The following SMIM10L2A variants were observed in gnomAD, a reference collection of about 807,000 sequenced individuals.
SMIM10L2A encodes small integral membrane protein 10-like protein 2A.
SMIM10L2A carries 2 observed loss-of-function variants against 3.0 expected under a neutral mutation model. The observed-to-expected ratio is 0.66, with a 90% CI of 0.27 to 2.08. The LOEUF (loss-of-function observed/expected upper bound fraction) is 2.08, where lower values mean the gene tolerates loss of function less well. Among genes scored for constraint, SMIM10L2A ranks in the 30% most tolerant of loss-of-function variants. The probability of loss-of-function intolerance (pLI) is 0.14; values close to 1 mark genes in which losing one functional copy is unlikely to be tolerated. For synonymous variants in SMIM10L2A, 29 were observed against 34.8 expected (o/e 0.83, Z 0.58); for missense variants, 59 against 66.5 (o/e 0.89, Z 0.39).
At chrX:135,423,443 C>T (rs2085139869) in intron 1 of SMIM10L2A, among the ~76,000 whole-genome samples, 190 bp from the exon 2 acceptor site, 1 of 113,176 alleles carries the variant, frequency 8.8e-6, no homozygotes, top group Non-Finnish European at 1.9e-5. Context: ...CCCCAGACGG[C>T]CTCTAGAAGC....
chrX:135,422,276 G>A lies in SMIM10L2A; in HGVS notation c.145G>A (p.Asp49Asn). 9.2e-7 allele frequency: 1 copy of A among 1,081,699 alleles called. No homozygotes were observed. Among genetic ancestry groups the A allele is most frequent in the Non-Finnish European group, 1.2e-6 (1 of 821,483 alleles). The allele number at this position is 1,081,699 out of a possible 1,213,427, so 89.1% of individuals were successfully genotyped here. ...CACGCGCACGCTGCTCACCTTCTTC[G>A]ACCTGGCCTGGCGGCTGCGCATGAA... ...GLTRTLLTFF[D>N]LAWRLRMNFP... The change falls in exon 1 of 2, where the codon GAC becomes AAC. Residue 49 changes from aspartate to asparagine, a missense_variant. Coordinates refer to ENST00000417443, the MANE Select transcript of SMIM10L2A (RefSeq NM_203306.3).
chrX:135,422,471 G>A lies in SMIM10L2A; in HGVS notation c.*103G>A. On this transcript the variant is annotated 3_prime_UTR_variant, in exon 1 of 2. Transcript: ENST00000417443. ...ATGAAGGAAAGCTGGGCCGCGGCGG[G>A]GGGCGGAGGCGGGGCGGCTCGGACC... 2 of 268,077 alleles carry A rather than the reference G, an allele frequency of 7.5e-6. No individual in the cohort carries two copies. The highest frequency in any genetic ancestry group is 1.3e-5 in the Non-Finnish European group (2 of 153,726). 22.1% of individuals were successfully genotyped at this position (268,077 alleles called of 1,213,427 possible).
At position 135,423,877 on chromosome X, in the gene SMIM10L2A, T is replaced by C. The variant is rs1466526879; in HGVS notation, c.*607T>C. ...GGTCTGAGTTCCCTGGGAACTGAAA[T>C]CTGCTAGCAGCACTGTGAGAGAGGT... On this transcript the variant is annotated 3_prime_UTR_variant, in exon 2 of 2. Transcript: ENST00000417443. 2 of 112,752 alleles carry C rather than the reference T, an allele frequency of 1.8e-5. No homozygotes were observed. The highest frequency in any genetic ancestry group is 3.8e-5 in the Non-Finnish European group (2 of 53,248). 9.3% of individuals were successfully genotyped at this position (112,752 alleles called of 1,213,427 possible).
chrX:135,422,298 T>G lies in SMIM10L2A; in HGVS notation c.167T>G (p.Met56Arg), dbSNP rs2085134211. Residue 56 changes from methionine (M) to arginine (R), a missense_variant, in exon 1 of 2, where the codon ATG (methionine) becomes AGG (arginine). Met to Arg is a moderately conservative substitution (Grantham distance 91, BLOSUM62 -1). Transcript: ENST00000417443. The stretch of plus-strand genomic sequence containing the variant: ...TTCGACCTGGCCTGGCGGCTGCGCA[T>G]GAACTTCCCCTACTTCTACATCGTG... Reference protein sequence around the residue: ...TFFDLAWRLRMNFPYFYIVAS... With the variant: ...TFFDLAWRLRRNFPYFYIVAS... 9.8e-7 allele frequency: 1 copy of G among 1,024,609 alleles called. No individual in the cohort carries two copies. Among genetic ancestry groups the G allele is most frequent in the South Asian group, 2.4e-5 (1 of 41,461 alleles). The allele number at this position is 1,024,609 out of a possible 1,213,427, so 84.4% of individuals were successfully genotyped here.
Position 135,422,715 on chromosome X carries a change from G to C in SMIM10L2A, c.*347G>C, listed in dbSNP as rs1348746741. The C allele has an allele frequency of 4.8e-5, 6 of 125,015 alleles. No homozygotes were observed. Among genetic ancestry groups the C allele is most frequent in the East Asian group, 2.3e-4 (1 of 4,315 alleles). The allele number at this position is 125,015 out of a possible 1,213,427, so 10.3% of individuals were successfully genotyped here. ...TCTGCTGCGGCGACTTGACTTTCCA[G>C]GCCCGGAGCAGAAAGGTAGGAGGCG... On this transcript the variant is annotated 3_prime_UTR_variant, in exon 1 of 2. Transcript: ENST00000417443.
In SMIM10L2A at chrX:135,422,149, TCTGTCTGCAGCGGCGGCTGCGGCGGCC is replaced by T; in HGVS notation, c.26_52del (p.Ala9_Ser17del). 2.8e-5 allele frequency: 18 copies of T among 643,481 alleles called. No homozygotes were observed. The highest frequency in any genetic ancestry group is 3.6e-5 in the Non-Finnish European group (17 of 467,586). 53.0% of individuals were successfully genotyped at this position (643,481 alleles called of 1,213,427 possible). ...CCGGGCCCATGGCGGCGTCGGCGGC[TCTGTCTGCAGCGGCGGCTGCGGCGGCC>T]CTGTCTGGCCTGGCGGTGCGGCTGT... On this transcript the variant is annotated inframe_deletion, in exon 1 of 2. Coordinates refer to ENST00000417443, the MANE Select transcript of SMIM10L2A (RefSeq NM_203306.3).
At chrX:135,423,068 C>T (rs186152140) in intron 1 of SMIM10L2A, among the ~76,000 whole-genome samples, 1 of 112,381 alleles carries the variant, frequency 8.9e-6, no homozygotes, top group East Asian at 2.8e-4. Context: ...GATGCCCCCA[C>T]CCTTCTCTTC....
Position 135,422,654 on chromosome X carries a change from T to C in SMIM10L2A, c.*286T>C, listed in dbSNP as rs1556470479. 6.1e-6 allele frequency: 1 copy of C among 163,104 alleles called. No individual in the cohort carries two copies. Among genetic ancestry groups the C allele is most frequent in the Non-Finnish European group, 1.2e-5 (1 of 85,591 alleles). 13.4% of individuals were successfully genotyped at this position (163,104 alleles called of 1,213,427 possible). ...TGGGCTCGGCCGACCTGTTGCCTCATATTGGCCAAAGAGGGGGAAACCAGA... is the reference window on the plus strand; with the variant it reads ...TGGGCTCGGCCGACCTGTTGCCTCACATTGGCCAAAGAGGGGGAAACCAGA... On this transcript the variant is annotated 3_prime_UTR_variant, in exon 1 of 2. Transcript: ENST00000417443.
In SMIM10L2A at chrX:135,424,764, G is replaced by A. The variant is rs1231407923; in HGVS notation, c.*1494G>A. 8.9e-6 allele frequency: 1 copy of A among 112,149 alleles called. No individual in the cohort carries two copies. The highest frequency in any genetic ancestry group is 9.3e-5 in the Admixed American group (1 of 10,721). The allele number at this position is 112,149 out of a possible 1,213,427, so 9.2% of individuals were successfully genotyped here. On this transcript the variant is annotated 3_prime_UTR_variant, in exon 2 of 2. Transcript: ENST00000417443. The stretch of plus-strand genomic sequence containing the variant: ...CCTCCTCAGCTGCCCACTGGACTCA[G>A]GTCCTGAATGAAGCTGTCCGCCTGC...
intron 1 of SMIM10L2A, among the ~76,000 whole-genome samples, chrX:135,423,054 C>A (rs1373700020): frequency 8.9e-6 from 1 of 112,136 alleles, no homozygotes; most frequent in Non-Finnish European, 1.9e-5. Flanking sequence ...CCTAGAGGAG[C>A]AACGATGCCC....
At position 135,422,441 on chromosome X, in the gene SMIM10L2A, C is replaced by A. The variant is rs2085135051; in HGVS notation, c.*73C>A. 1 of 306,973 alleles carries A rather than the reference C, an allele frequency of 3.3e-6. No individual in the cohort carries two copies. Among genetic ancestry groups the A allele is most frequent in the Non-Finnish European group, 5.4e-6 (1 of 185,196 alleles). The allele number at this position is 306,973 out of a possible 1,213,427, so 25.3% of individuals were successfully genotyped here. A position where few individuals can be genotyped will look rare whatever the true frequency, so the allele number is the denominator to read the frequency against. On this transcript the variant is annotated 3_prime_UTR_variant, in exon 1 of 2. Transcript: ENST00000417443. ...TCCCCGCCCGCCCCCGGCCGGGTCG[C>A]CGGCATGAAGGAAAGCTGGGCCGCG...
In SMIM10L2A at chrX:135,422,020, G is replaced by T; in HGVS notation, c.-112G>T. On this transcript the variant is annotated 5_prime_UTR_variant, in exon 1 of 2. Coordinates refer to ENST00000417443, the MANE Select transcript of SMIM10L2A (RefSeq NM_203306.3). ...GGCCTTGGGAACACGGGGGCGGGGC[G>T]GCCGCGGCTCTGGGCGACCCGCTGG... is the stretch of plus-strand genomic sequence containing the variant. 2 of 258,136 alleles carry T rather than the reference G, an allele frequency of 7.7e-6. No homozygotes were observed. Among genetic ancestry groups the T allele is most frequent in the East Asian group, 5.9e-5 (1 of 16,817 alleles). The allele number at this position is 258,136 out of a possible 1,213,427, so 21.3% of individuals were successfully genotyped here. A position where few individuals can be genotyped will look rare whatever the true frequency, so the allele number is the denominator to read the frequency against.
chrX:135,422,999 C>T (rs62599953), intron 1 of SMIM10L2A, among the ~76,000 whole-genome samples: 1 of 109,941 alleles, frequency 9.1e-6, no homozygotes, highest in Admixed American at 9.4e-5. Flanking sequence ...GTCCCCTGAA[C>T]CCTGAGGAAT....
Position 135,422,388 on chromosome X carries a change from C to G in SMIM10L2A, c.*20C>G. On this transcript the variant is annotated 3_prime_UTR_variant, in exon 1 of 2. Coordinates refer to ENST00000417443, the MANE Select transcript of SMIM10L2A (RefSeq NM_203306.3). The stretch of plus-strand genomic sequence containing the variant: ...GAGTGAGCGCCGGCGGCGGCGGCGG[C>G]GAAGGCCCGGCTGAAGGGGCGCCCG... 1 of 537,315 alleles carries G rather than the reference C, an allele frequency of 1.9e-6. No individual in the cohort carries two copies. Among genetic ancestry groups the G allele is most frequent in the Non-Finnish European group, 2.7e-6 (1 of 375,842 alleles). The allele number at this position is 537,315 out of a possible 1,213,427, so 44.3% of individuals were successfully genotyped here. A position where few individuals can be genotyped will look rare whatever the true frequency, so the allele number is the denominator to read the frequency against.
intron 1 of SMIM10L2A, among the ~76,000 whole-genome samples, chrX:135,423,275 G>A (rs1231249314): frequency 8.9e-6 from 1 of 112,235 alleles, no homozygotes; most frequent in Non-Finnish European, 1.9e-5. Flanking sequence ...CCCTACATGA[G>A]GGCACCCCCC....
chrX:135,422,167 T>G lies in SMIM10L2A; in HGVS notation c.36T>G (p.Ala12=), dbSNP rs1409024310. 14 of 789,306 alleles carry G rather than the reference T, an allele frequency of 1.8e-5. No individual in the cohort carries two copies. Among genetic ancestry groups the G allele is most frequent in the Non-Finnish European group, 2.2e-5 (13 of 586,109 alleles). 65.0% of individuals were successfully genotyped at this position (789,306 alleles called of 1,213,427 possible). A position where few individuals can be genotyped will look rare whatever the true frequency, so the allele number is the denominator to read the frequency against. The change falls in exon 1 of 2, where the codon GCT becomes GCG. Residue 12 remains alanine (A), a synonymous_variant. Coordinates refer to ENST00000417443, the MANE Select transcript of SMIM10L2A (RefSeq NM_203306.3). ...CGGCGGCTCTGTCTGCAGCGGCGGC[T>G]GCGGCGGCCCTGTCTGGCCTGGCGG... ...AASAALSAAA[A]AAALSGLAVR...
chrX:135,423,263 A>G (rs533554502), intron 1 of SMIM10L2A, among the ~76,000 whole-genome samples: 12 of 110,864 alleles, frequency 1.1e-4, no homozygotes, highest in South Asian at 3.8e-4. Flanking sequence ...ATGTTCCCCT[A>G]CCCCTACATG....
Position 135,425,320 on chromosome X carries a change from C to T in SMIM10L2A, c.*2050C>T, listed in dbSNP as rs2085148069. 1 of 112,183 alleles carries T rather than the reference C, an allele frequency of 8.9e-6. No homozygotes were observed. The highest frequency in any genetic ancestry group is 1.9e-5 in the Non-Finnish European group (1 of 53,143). The allele number at this position is 112,183 out of a possible 1,213,427, so 9.2% of individuals were successfully genotyped here. On this transcript the variant is annotated 3_prime_UTR_variant, in exon 2 of 2. Coordinates refer to ENST00000417443, the MANE Select transcript of SMIM10L2A (RefSeq NM_203306.3). The stretch of plus-strand genomic sequence containing the variant: ...AGACCCCCCACTGCAGGGAGCCCCA[C>T]CCCATAAGAGGGTCACGGAAGTCCA...
rs1465349309 is a variant in SMIM10L2A at position 135,426,180 on chromosome X, A to C, written c.*2910A>C. On this transcript the variant is annotated 3_prime_UTR_variant, in exon 2 of 2. Coordinates refer to ENST00000417443, the MANE Select transcript of SMIM10L2A (RefSeq NM_203306.3). Reference sequence around the variant, plus strand: ...GCACTGAGACTCCTCTCCCTGCCTGAGGCCACCTCCCACTGCCTCCCTACC... The same window carrying C: ...GCACTGAGACTCCTCTCCCTGCCTGCGGCCACCTCCCACTGCCTCCCTACC... 9.0e-6 allele frequency: 1 copy of C among 111,619 alleles called. No homozygotes were observed. The highest frequency in any genetic ancestry group is 3.3e-5 in the African/African-American group (1 of 30,603). The allele number at this position is 111,619 out of a possible 1,213,427, so 9.2% of individuals were successfully genotyped here. A position where few individuals can be genotyped will look rare whatever the true frequency, so the allele number is the denominator to read the frequency against.
Sources: allele counts gnomAD v4.1 joint callset (sites outside exome capture counted in the v4.1 genomes callset), GRCh38; gene constraint gnomAD v4.1.1; transcripts MANE v1.5; gene names NCBI Gene and HGNC (gene_info 2026-07-23, HGNC 2026-07-21).